Variants in SLC25A21 observed in about 807,000 individuals in gnomAD.
SLC25A21 encodes the protein mitochondrial 2-oxodicarboxylate carrier.
A neutral mutation model predicts 43.8 loss-of-function variants in SLC25A21; 47 were observed. The ratio of observed to expected loss-of-function variants is 1.07; its 90% CI spans 0.85 to 1.37. The LOEUF is 1.37. SLC25A21 is among the 40% of genes most tolerant of loss of function. SLC25A21 has a pLI of 0.00. For missense variants in SLC25A21, 352 were observed against 350.2 expected, an observed-to-expected ratio of 1.00 and a Z score of -0.04; for synonymous variants, 131 against 121.3, an observed-to-expected ratio of 1.08 and a Z score of -0.52.
chr14:36,809,705 G>T (rs1566634658), intron 3 of SLC25A21, among the ~76,000 whole-genome samples: 1 of 152,090 alleles, frequency 6.6e-6, no homozygotes, highest in Admixed American at 6.6e-5. Flanking sequence ...TGTATTAACA[G>T]ACTTTAATGT....
chr14:37,021,863 T>G (rs1046340710), intron 1 of SLC25A21, among the ~76,000 whole-genome samples: 1 of 151,968 alleles, frequency 6.6e-6, no homozygotes, highest in East Asian at 1.9e-4. Context: ...ATTCTCACCA[T>G]AGGAGAACAT....
rs536125233 is a variant in SLC25A21, at chr14:36,761,501, A to G, written c.204-26928T>C. 5.3e-5 allele frequency among the ~76,000 whole-genome samples: 8 copies of G among 152,374 alleles called. No individual in the cohort carries two copies. In the South Asian group the frequency reaches 1.7e-3, roughly 32 times the overall value. On this transcript the variant is annotated intron_variant, in intron 3 of 9. Coordinates refer to ENST00000331299, the MANE Select transcript of SLC25A21 (RefSeq NM_030631.4). ...TATAGAGCATTTAAAAATGATTTGC[A>G]ACAATTACTGAAAGTCAGTTAATCT...
intron 2 of SLC25A21, among the ~76,000 whole-genome samples, chr14:36,859,450 G>A (rs1889999554): frequency 6.6e-6 from 1 of 152,320 alleles, no homozygotes; most frequent in South Asian, 2.1e-4. Flanking sequence ...CCAGCATCAA[G>A]CCGCCCATCC....
chr14:37,029,755 C>T (rs931582733), intron 1 of SLC25A21, among the ~76,000 whole-genome samples: 8 of 145,092 alleles, frequency 5.5e-5, no homozygotes, highest in East Asian at 2.0e-4. Context: ...TACTAATAGC[C>T]GACTTTTTTT....
intron 3 of SLC25A21, among the ~76,000 whole-genome samples, chr14:36,786,253 C>T (rs1203714802): frequency 6.6e-6 from 1 of 152,196 alleles, no homozygotes; most frequent in Non-Finnish European, 1.5e-5. Context: ...AGAGTAGGCA[C>T]TCATTAAAGG....
At chr14:36,776,415 T>G (rs1377585321) in intron 3 of SLC25A21, among the ~76,000 whole-genome samples, 2 of 151,574 alleles carry the variant, frequency 1.3e-5, no homozygotes, top group African/African-American at 4.9e-5. Flanking sequence ...TTTTTTTGTA[T>G]TTTTAGTAGA....
intron 1 of SLC25A21, among the ~76,000 whole-genome samples, chr14:37,086,298 G>A (rs1962485615): frequency 2.0e-5 from 3 of 152,082 alleles, no homozygotes; most frequent in African/African-American, 7.2e-5. Context: ...TCCCTCCACA[G>A]TATGACAATC....
rs891969928 is a variant in SLC25A21, at chr14:36,737,459, C to A, written c.204-2886G>T. 5.3e-5 allele frequency among the ~76,000 whole-genome samples: 8 copies of A among 152,104 alleles called. No individual in the cohort carries two copies. The East Asian group carries it at 1.5e-3, about 29-fold the overall frequency. ...TTCATGTGCGATCGTTCCCCTCCTC[C>A]CATACCACCATCCTGAGCTTCCAAA... On this transcript the variant is annotated intron_variant, in intron 3 of 9. Coordinates refer to ENST00000331299, the MANE Select transcript of SLC25A21 (RefSeq NM_030631.4).
intron 1 of SLC25A21, among the ~76,000 whole-genome samples, chr14:37,092,780 T>A (rs545368364): frequency 3.9e-5 from 6 of 152,238 alleles, no homozygotes; most frequent in South Asian, 4.1e-4. Context: ...CCTTTTTTTT[T>A]AATTTTTCAA....
intron 1 of SLC25A21, among the ~76,000 whole-genome samples, chr14:37,000,155 T>C (rs748361664): frequency 6.6e-6 from 1 of 152,156 alleles, no homozygotes; most frequent in Non-Finnish European, 1.5e-5. Context: ...CAAGTTTGCC[T>C]CCTCTTTCTC....
intron 7 of SLC25A21, among the ~76,000 whole-genome samples, chr14:36,686,520 G>T (rs1444886031): frequency 6.6e-6 from 1 of 152,144 alleles, no homozygotes; most frequent in Non-Finnish European, 1.5e-5. Flanking sequence ...TCCAAGGGAA[G>T]TTTTTAACTC....
chr14:37,148,792 A>G lies in SLC25A21; in HGVS notation c.70+23489T>C, dbSNP rs181450635. Among the ~76,000 whole-genome samples the G allele has an allele frequency of 2.5e-4, 38 of 152,342 alleles. No individual in the cohort carries two copies. The East Asian group carries it at 6.7e-3, about 27-fold the overall frequency. On this transcript the variant is annotated intron_variant, in intron 1 of 9. Transcript: ENST00000331299. ...ACTTAAAAAACAAGAAATAGATCCAATGCACTCTTTTAAACTAATAACAAA... is the reference window on the plus strand; with the variant it reads ...ACTTAAAAAACAAGAAATAGATCCAGTGCACTCTTTTAAACTAATAACAAA...
chr14:36,789,458 T>A (rs917345230), intron 3 of SLC25A21, among the ~76,000 whole-genome samples: 3 of 151,904 alleles, frequency 2.0e-5, no homozygotes, highest in African/African-American at 7.3e-5. Context: ...GTGGTGATTA[T>A]GCTTTCATTT....
intron 3 of SLC25A21, among the ~76,000 whole-genome samples, chr14:36,748,389 AG>A (rs1885579829): frequency 6.6e-6 from 1 of 152,202 alleles, no homozygotes; most frequent in Non-Finnish European, 1.5e-5. Flanking sequence ...TTTTTTAAAA[AG>A]TGCCCAAGTC....
chr14:36,779,609 C>CATATATATATATATAT (rs35392668), intron 3 of SLC25A21, among the ~76,000 whole-genome samples: 7 of 122,468 alleles, frequency 5.7e-5, no homozygotes, highest in South Asian at 2.8e-4. Flanking sequence ...TATGTGTATA[C>CATATATATATATATAT]ATATATATAT....
At chr14:37,062,964 C>T (rs1961980615) in intron 1 of SLC25A21, among the ~76,000 whole-genome samples, 1 of 152,112 alleles carries the variant, frequency 6.6e-6, no homozygotes, top group Non-Finnish European at 1.5e-5. Context: ...AATTGACTCA[C>T]CATTCCACAT....
intron 7 of SLC25A21, among the ~76,000 whole-genome samples, chr14:36,704,602 A>G (rs979617876): frequency 2.0e-5 from 3 of 149,768 alleles, no homozygotes; most frequent in African/African-American, 7.4e-5. Context: ...GGTTGCAGTG[A>G]GCCAAGATAG....
At chr14:36,867,822 TAC>T (rs1890256181) in intron 2 of SLC25A21, among the ~76,000 whole-genome samples, 1 of 142,774 alleles carries the variant, frequency 7.0e-6, no homozygotes, top group East Asian at 2.1e-4. Context: ...TGTGTGTGTG[TAC>T]ACTCATTTAT....
intron 1 of SLC25A21, among the ~76,000 whole-genome samples, chr14:37,116,751 G>C (rs1296510632): frequency 6.6e-6 from 1 of 151,994 alleles, no homozygotes; most frequent in Non-Finnish European, 1.5e-5. Flanking sequence ...CAACAATTTT[G>C]AACATATAAA....
Sources: gnomAD v4.1 joint callset for allele counts (sites outside exome capture counted in the v4.1 genomes callset) on GRCh38, gnomAD v4.1.1 for gene constraint, MANE v1.5 for transcripts, NCBI Gene and HGNC (gene_info 2026-07-23, HGNC 2026-07-21) for gene names.